XCR1: variants seen among roughly 807,000 people sequenced by gnomAD.
XCR1 encodes the protein chemokine XC receptor 1.
For missense variants in XCR1, 356 were observed against 424.2 expected, an observed-to-expected ratio of 0.84 and a Z score of 1.41; for synonymous variants, 187 against 188.5, an observed-to-expected ratio of 0.99 and a Z score of 0.06.
intron 1 of XCR1, among the ~76,000 whole-genome samples, chr3:46,026,466 G>A (rs1026649694): frequency 6.6e-5 from 10 of 151,902 alleles, no homozygotes; most frequent in Non-Finnish European, 1.5e-4. Flanking sequence ...GTAATAACAA[G>A]GCCTTACATA....
intron 1 of XCR1, chr3:46,023,501 T>C: frequency 6.4e-7 from 1 of 1,567,514 alleles, no homozygotes; most frequent in Non-Finnish European, 8.7e-7. Context: ...AAACAGCTCC[T>C]CCTCATCCAA....
intron 5 of XCR1, among the ~76,000 whole-genome samples, chr3:46,033,786 A>G (rs1409757423): frequency 1.3e-5 from 2 of 152,204 alleles, no homozygotes; most frequent in Non-Finnish European, 2.9e-5. Flanking sequence ...GAGTCTTCTT[A>G]TCCTTAAACA....
chr3:46,075,879 A>G (rs991639042), intron 2 of XCR1, among the ~76,000 whole-genome samples: 12 of 152,208 alleles, frequency 7.9e-5, no homozygotes, highest in African/African-American at 2.2e-4. Flanking sequence ...AATAGTTAAA[A>G]CAGTAAAAAT....
At chr3:46,080,380 A>G (rs1698336324) in intron 1 of XCR1, among the ~76,000 whole-genome samples, 1 of 152,154 alleles carries the variant, frequency 6.6e-6, no homozygotes, top group African/African-American at 2.4e-5. Flanking sequence ...ATACCTTGAA[A>G]TGTCCTTACA....
At chr3:46,061,828 C>T (rs1184831525) in intron 4 of XCR1, among the ~76,000 whole-genome samples, 1 of 152,102 alleles carries the variant, frequency 6.6e-6, no homozygotes, top group Non-Finnish European at 1.5e-5. Flanking sequence ...GGCATGGTGA[C>T]TGAGAAAGCC....
At chr3:46,043,761 C>CAA (rs61451326) in intron 5 of XCR1, among the ~76,000 whole-genome samples, 2 of 144,250 alleles carry the variant, frequency 1.4e-5, no homozygotes, top group East Asian at 4.1e-4. Context: ...CACACACACA[C>CAA]AAGAATGCCT....
At chr3:46,052,266 T>C (rs1170786098) in intron 5 of XCR1, among the ~76,000 whole-genome samples, 1 of 152,152 alleles carries the variant, frequency 6.6e-6, no homozygotes, top group East Asian at 1.9e-4. Context: ...GTTCCTGGGG[T>C]GAGGGAATCA....
intron 1 of XCR1, chr3:46,023,376 C>T (rs1708206837): frequency 2.1e-6 from 3 of 1,441,042 alleles, no homozygotes; most frequent in Non-Finnish European, 1.9e-6. Flanking sequence ...CAGGCAAATA[C>T]GAAGAGGCGA....
chr3:46,073,918 A>G (rs1376015906), intron 3 of XCR1, among the ~76,000 whole-genome samples: 1 of 151,336 alleles, frequency 6.6e-6, no homozygotes, highest in East Asian at 1.9e-4. Flanking sequence ...AAAAAAAAAA[A>G]CCCAACAGAT....
At position 46,021,661 on chromosome 3, in the gene XCR1, A is replaced by C. The variant is rs745618955; in HGVS notation, c.287T>G (p.Val96Gly). The change falls in exon 2 of 2, where the codon GTG becomes GGG. Residue 96 changes from valine to glycine, a missense_variant. Coordinates refer to ENST00000309285, the MANE Select transcript of XCR1 (RefSeq NM_001024644.2). The surrounding 1 kb of genome is among the most constrained non-coding windows in gnomAD (Gnocchi z 4.7). ...VWISPYHWGW[V>G]LGDFLCKLLN... is the part of the protein sequence containing the mutation. ...GAGTTTGCAGAGGAAGTCTCCCAGC[A>C]CCCAGCCCCAGTGGTATGGGGAGAT... The C allele has an allele frequency of 1.6e-5, 25 of 1,603,726 alleles. No individual in the cohort carries two copies. Among genetic ancestry groups the C allele is most frequent in the Middle Eastern group, 3.3e-4 (2 of 6,028 alleles).
intron 4 of XCR1, among the ~76,000 whole-genome samples, chr3:46,061,991 G>T (rs1697972090): frequency 6.6e-6 from 1 of 152,184 alleles, no homozygotes; most frequent in South Asian, 2.1e-4. Context: ...GAAGGGTTTT[G>T]TGTGGCAAAG....
In XCR1 at chr3:46,017,020, T is replaced by C. The variant is rs1458123687; in HGVS notation, c.*3926A>G. The C allele has an allele frequency of 1.3e-5, 2 of 152,232 alleles. No homozygotes were observed. Among genetic ancestry groups the C allele is most frequent in the Admixed American group, 1.3e-4 (2 of 15,290 alleles). 9.4% of individuals were successfully genotyped at this position (152,232 alleles called of 1,614,324 possible). A position where few individuals can be genotyped will look rare whatever the true frequency, so the allele number is the denominator to read the frequency against. On this transcript the variant is annotated 3_prime_UTR_variant, in exon 2 of 2. Transcript: ENST00000309285. Reference sequence around the variant, plus strand: ...TACATGCTAATCTTTTACTTGTGCATATTAACACAGTGAAGCTTTCTTGTT... The same window carrying C: ...TACATGCTAATCTTTTACTTGTGCACATTAACACAGTGAAGCTTTCTTGTT...
In XCR1 at chr3:46,018,108, G is replaced by A. The variant is rs1422699619; in HGVS notation, c.*2838C>T. 6.6e-6 allele frequency: 1 copy of A among 152,228 alleles called. No individual in the cohort carries two copies. Among genetic ancestry groups the A allele is most frequent in the Non-Finnish European group, 1.5e-5 (1 of 68,062 alleles). 9.4% of individuals were successfully genotyped at this position (152,228 alleles called of 1,614,324 possible). ...AGGGGAAGACTCCTGATTAAAGACT[G>A]CCTTGGGAGCCAGTCTATTAGGGAT... On this transcript the variant is annotated 3_prime_UTR_variant, in exon 2 of 2. Transcript: ENST00000309285.
At chr3:46,032,103 A>G (rs147050902), upstream of XCR1, among the ~76,000 whole-genome samples, 10 of 152,360 alleles carry the variant, frequency 6.6e-5, no homozygotes, top group East Asian at 1.9e-3. Flanking sequence ...TTTGCAGGAC[A>G]AGAACTTTGG....
intron 3 of XCR1, among the ~76,000 whole-genome samples, chr3:46,070,212 A>G (rs560948314): frequency 2.0e-5 from 3 of 152,258 alleles, no homozygotes; most frequent in Admixed American, 1.3e-4. Flanking sequence ...CAGATGATCT[A>G]TCTTGGAGAA....
upstream of XCR1, among the ~76,000 whole-genome samples, chr3:46,029,519 T>C (rs941954508): frequency 1.3e-5 from 2 of 152,172 alleles, no homozygotes; most frequent in Non-Finnish European, 2.9e-5. Context: ...TACAAGGCCA[T>C]TCAGTGTTAA....
chr3:46,030,144 A>G (rs139369877), upstream of XCR1, among the ~76,000 whole-genome samples: 1,180 of 152,020 alleles, frequency 7.8e-3, 14 homozygotes, highest in African/African-American at 0.027. Flanking sequence ...TTCCTTTCCA[A>G]TCTGGGTACT....
At chr3:46,067,587 A>T (rs1698099857) in intron 3 of XCR1, among the ~76,000 whole-genome samples, 1 of 152,162 alleles carries the variant, frequency 6.6e-6, no homozygotes, top group Admixed American at 6.5e-5. Context: ...TGGATTAGTC[A>T]ATTATACACT....
chr3:46,040,743 T>A (rs538582750), intron 5 of XCR1, among the ~76,000 whole-genome samples: 49 of 152,272 alleles, frequency 3.2e-4, no homozygotes, highest in Middle Eastern at 3.4e-3. Flanking sequence ...AAAAAGTGAC[T>A]TATAATCAGC....
Sources: gnomAD v4.1 joint callset for allele counts (sites outside exome capture counted in the v4.1 genomes callset) on GRCh38, gnomAD v4.1.1 for gene constraint, Gnocchi (gnomAD v3.1) non-coding constraint, MANE v1.5 for transcripts, NCBI Gene and HGNC (gene_info 2026-07-23, HGNC 2026-07-21) for gene names.